Variants in LARGE1 observed in about 807,000 individuals in gnomAD.
The protein encoded by LARGE1 is xylosyl- and glucuronyltransferase LARGE1.
Under a neutral mutation model 87.6 loss-of-function variants are expected in LARGE1, and 43 were observed. The observed-to-expected ratio is 0.49, with a 90% CI of 0.38 to 0.63. The LOEUF (loss-of-function observed/expected upper bound fraction) is 0.63. Ranked by LOEUF, LARGE1 falls within the 30% of genes least tolerant of loss-of-function variation. LARGE1 has a pLI of 0.00. For synonymous variants in LARGE1, 434 were observed against 394.6 expected (o/e 1.10, Z -1.18); for missense variants, 802 against 1,000.2 (o/e 0.80, Z 2.67).
the LARGE1 span, among the ~76,000 whole-genome samples, chr22:33,133,883 G>A: frequency 6.6e-6 from 1 of 152,182 alleles, no homozygotes; most frequent in African/African-American, 2.4e-5. Context: ...GAGAATGTGT[G>A]CTGGGTTAAA....
intron 6 of LARGE1, among the ~76,000 whole-genome samples, chr22:33,501,645 A>G (rs1453459443): frequency 6.6e-6 from 1 of 152,170 alleles, no homozygotes; most frequent in Non-Finnish European, 1.5e-5. Context: ...CTGGCTGTCC[A>G]TCAACACTTA....
intron 11 of LARGE1, among the ~76,000 whole-genome samples, chr22:33,244,155 A>ATTT (rs545378643): frequency 1.0e-4 from 15 of 145,624 alleles, no homozygotes; most frequent in South Asian, 4.4e-4. Flanking sequence ...AGCCCAGCTA[A>ATTT]TTTTTTTTTT....
intron 1 of LARGE1, among the ~76,000 whole-genome samples, chr22:33,876,700 G>A (rs1051439217): frequency 1.3e-5 from 2 of 152,006 alleles, no homozygotes; most frequent in Non-Finnish European, 2.9e-5. Flanking sequence ...AATACCTAAT[G>A]CATGCAGGGC....
intron 9 of LARGE1, among the ~76,000 whole-genome samples, chr22:33,371,719 TCA>T (rs2064814162): frequency 6.6e-6 from 1 of 152,162 alleles, no homozygotes; most frequent in Non-Finnish European, 1.5e-5. Context: ...GCGCGGTGGC[TCA>T]CGCCTATAAT....
At chr22:33,456,818 G>C (rs541619488) in intron 6 of LARGE1, among the ~76,000 whole-genome samples, 128 of 152,298 alleles carry the variant, frequency 8.4e-4, no homozygotes, top group Admixed American at 1.3e-3. Context: ...TGTAAATGTA[G>C]AATTATGTGC....
At chr22:33,772,985 C>T (rs1316525505) in intron 1 of LARGE1, among the ~76,000 whole-genome samples, 1 of 152,168 alleles carries the variant, frequency 6.6e-6, no homozygotes, top group Non-Finnish European at 1.5e-5. Flanking sequence ...ACATCTGTAA[C>T]ATGAGAAATG....
At chr22:33,483,901 A>G (rs192666226) in intron 6 of LARGE1, among the ~76,000 whole-genome samples, 247 of 152,220 alleles carry the variant, frequency 1.6e-3, no homozygotes, top group Admixed American at 6.1e-3. Flanking sequence ...GCTGCTGGGC[A>G]TGGCCTGGCA....
At chr22:33,921,764 T>C (rs2065955389), upstream of LARGE1, among the ~76,000 whole-genome samples, 1 of 151,852 alleles carries the variant, frequency 6.6e-6, no homozygotes. The surrounding 1 kb of genome is among the most constrained non-coding windows in gnomAD (Gnocchi z 4.1). Flanking sequence ...CAACATCCCT[T>C]GAATGGACTT....
chr22:33,567,781 G>T (rs2148801780), intron 5 of LARGE1, among the ~76,000 whole-genome samples: 1 of 152,166 alleles, frequency 6.6e-6, no homozygotes, highest in Middle Eastern at 3.4e-3. Flanking sequence ...CTCTTTTGGA[G>T]ACCCCAGTGT....
At chr22:33,432,340 A>G in intron 6 of LARGE1, 75 bp from the exon 7 acceptor site, 1 of 1,082,336 alleles carries the variant, frequency 9.2e-7, no homozygotes, top group Non-Finnish European at 1.4e-6. Context: ...TTGAAGACAC[A>G]GGGTAATGGC....
intron 2 of LARGE1, chr22:33,725,014 A>G (rs2083226182): frequency 6.5e-6 from 1 of 152,802 alleles, no homozygotes; most frequent in African/African-American, 2.4e-5. Flanking sequence ...TGCAGGAAGT[A>G]AAGGGGCTAC....
intron 1 of LARGE1, among the ~76,000 whole-genome samples, chr22:33,813,371 G>A (rs2146193903): frequency 6.6e-6 from 1 of 151,978 alleles, no homozygotes. Flanking sequence ...ATGCTCTTTT[G>A]TTCATCTCCG....
chr22:33,278,672 AG>A (rs1423739296), intron 13 of LARGE1, among the ~76,000 whole-genome samples: 2 of 152,090 alleles, frequency 1.3e-5, no homozygotes, highest in Non-Finnish European at 2.9e-5. Context: ...AAACCCGGGA[AG>A]CCTTGCTCAA....
At chr22:33,224,527 C>T (rs1925632930) in intron 11 of LARGE1, among the ~76,000 whole-genome samples, 1 of 152,132 alleles carries the variant, frequency 6.6e-6, no homozygotes, top group African/African-American at 2.4e-5. Context: ...TAAGAGAAAA[C>T]AGGTGTCTTT....
At chr22:33,452,304 G>A (rs192781081) in intron 6 of LARGE1, among the ~76,000 whole-genome samples, 7 of 152,322 alleles carry the variant, frequency 4.6e-5, no homozygotes, top group Admixed American at 3.9e-4. Flanking sequence ...GGTGAAGGAC[G>A]GGTGGCCTAT....
At chr22:33,602,612 C>T (rs2079141234) in intron 5 of LARGE1, among the ~76,000 whole-genome samples, 1 of 151,596 alleles carries the variant, frequency 6.6e-6, no homozygotes, top group South Asian at 2.1e-4. Context: ...CAAGTGATCC[C>T]CCTGCCCTCA....
chr22:33,469,574 C>G (rs1404708200), intron 6 of LARGE1, among the ~76,000 whole-genome samples: 3 of 152,082 alleles, frequency 2.0e-5, no homozygotes, highest in Non-Finnish European at 4.4e-5. Context: ...CCTGTAATCC[C>G]AGCACTTCAG....
chr22:33,246,802 G>A (rs933955092), intron 11 of LARGE1, among the ~76,000 whole-genome samples: 1 of 152,150 alleles, frequency 6.6e-6, no homozygotes, highest in Non-Finnish European at 1.5e-5. Flanking sequence ...ATAGAGTGTG[G>A]TCAACAACTT....
chr22:33,542,116 C>T (rs536032617), intron 6 of LARGE1, among the ~76,000 whole-genome samples: 27 of 145,746 alleles, frequency 1.9e-4, no homozygotes, highest in African/African-American at 3.3e-4. Flanking sequence ...GAGCCGAGAT[C>T]GCACCACTGC....
Sources: gnomAD v4.1 joint callset for allele counts (sites outside exome capture counted in the v4.1 genomes callset) on GRCh38, gnomAD v4.1.1 for gene constraint, Gnocchi (gnomAD v3.1) non-coding constraint, MANE v1.5 for transcripts, NCBI Gene and HGNC (gene_info 2026-07-23, HGNC 2026-07-21) for gene names.